SHROOM3: variants seen among roughly 807,000 people sequenced by gnomAD.
SHROOM3 encodes shroom family member 3, also known as protein Shroom3.
In SHROOM3, 47 loss-of-function variants were observed where a neutral mutation model predicts 138.6. That is an observed-to-expected ratio of 0.34 (90% confidence interval 0.27 to 0.43). The LOEUF (loss-of-function observed/expected upper bound fraction) is 0.43, where lower values mean the gene tolerates loss of function less well. Among genes scored for constraint, SHROOM3 ranks in the 20% least tolerant of loss-of-function variants. The pLI is 1.00. For missense variants in SHROOM3, 2,491 were observed against 2,596.5 expected (o/e 0.96, Z 0.88); for synonymous variants, 1,062 against 1,063.3 (o/e 1.00, Z 0.02).
intron 3 of SHROOM3, among the ~76,000 whole-genome samples, chr4:76,717,017 G>A (rs1720394829): frequency 6.6e-6 from 1 of 152,082 alleles, no homozygotes; most frequent in East Asian, 1.9e-4. Context: ...AAGTCTATTG[G>A]CAACAAATTC....
At chr4:76,524,818 A>C (rs567584043) in intron 1 of SHROOM3, among the ~76,000 whole-genome samples, 1 of 152,168 alleles carries the variant, frequency 6.6e-6, no homozygotes, top group Admixed American at 6.5e-5. Flanking sequence ...TTAACTATCC[A>C]GGGGTTACGG....
intron 2 of SHROOM3, among the ~76,000 whole-genome samples, chr4:76,635,190 C>T (rs1028635178): frequency 2.0e-5 from 3 of 152,114 alleles, no homozygotes; most frequent in Admixed American, 6.5e-5. Flanking sequence ...AGAGGAAGAC[C>T]CTCACTGAAC....
chr4:76,711,576 C>G (rs547157394), intron 3 of SHROOM3, among the ~76,000 whole-genome samples: 4 of 152,030 alleles, frequency 2.6e-5, no homozygotes, highest in Non-Finnish European at 5.9e-5. Context: ...ACCTGTGGTC[C>G]CAAGTACTCT....
rs1266820105 is a variant in SHROOM3 at position 76,740,075 on chromosome 4, C to T, written c.1902C>T (p.His634=). The T allele has an allele frequency of 1.2e-6, 2 of 1,613,802 alleles. No homozygotes were observed. Among genetic ancestry groups the T allele is most frequent in the Non-Finnish European group, 1.7e-6 (2 of 1,180,036 alleles). The change falls in exon 5 of 11, where the codon CAC becomes CAT. Residue 634 remains histidine, a synonymous_variant. Coordinates refer to ENST00000296043, the MANE Select transcript of SHROOM3 (RefSeq NM_020859.4). The surrounding 1 kb of genome is among the most constrained non-coding windows in gnomAD (Gnocchi z 4.0). ...EPWEGDFQED[H]NANLWRRLER... ...GGGAGGGCGATTTCCAGGAAGACCA[C>T]AATGCCAACCTCTGGAGGAGGCTGG...
rs1721212105 is a variant in SHROOM3, at chr4:76,740,520, GAGA to G, written c.2350_2352del (p.Lys784del). The G allele has an allele frequency of 3.1e-6, 5 of 1,614,052 alleles. No homozygotes were observed. The South Asian group carries it at 3.3e-5, about 11-fold the overall frequency. On this transcript the variant is annotated inframe_deletion, in exon 5 of 11. Coordinates refer to ENST00000296043, the MANE Select transcript of SHROOM3 (RefSeq NM_020859.4). This position sits in a 1 kb window ranked among gnomAD's most constrained non-coding sequence, Gnocchi z 4.0. ...CGGGAAGCCCCACTGCTCGGTGCTG[GAGA>G]AGGTCTCCAAATTCGAGCAGCGAGA...
chr4:76,592,501 C>A (rs755718787), intron 2 of SHROOM3, among the ~76,000 whole-genome samples: 1 of 152,190 alleles, frequency 6.6e-6, no homozygotes, highest in Non-Finnish European at 1.5e-5. Flanking sequence ...TTGTTCTGAT[C>A]AAAGTTAATT....
At chr4:76,553,989 T>C (rs1733423678) in intron 1 of SHROOM3, among the ~76,000 whole-genome samples, 2 of 152,216 alleles carry the variant, frequency 1.3e-5, no homozygotes, top group Non-Finnish European at 1.5e-5. Context: ...TAGTTTATAG[T>C]AGGTTCACTC....
chr4:76,636,126 G>C (rs1432600445), intron 2 of SHROOM3, among the ~76,000 whole-genome samples: 1 of 152,178 alleles, frequency 6.6e-6, no homozygotes, highest in African/African-American at 2.4e-5. Flanking sequence ...TTTCATAAAT[G>C]GGTAAAATGT....
At chr4:76,456,804 G>C (rs1054063778) in intron 1 of SHROOM3, among the ~76,000 whole-genome samples, 3 of 152,236 alleles carry the variant, frequency 2.0e-5, no homozygotes, top group Admixed American at 6.5e-5. Flanking sequence ...AGTCCGAAAA[G>C]AGAGTCAGCA....
intron 5 of SHROOM3, among the ~76,000 whole-genome samples, chr4:76,746,814 T>C (rs1445210577): frequency 2.0e-5 from 3 of 146,524 alleles, no homozygotes; most frequent in Admixed American, 1.4e-4. Context: ...TTATTATTAT[T>C]ATTATTATTA....
chr4:76,463,389 T>C (rs1423953156), intron 1 of SHROOM3, among the ~76,000 whole-genome samples: 1 of 152,220 alleles, frequency 6.6e-6, no homozygotes, highest in African/African-American at 2.4e-5. Flanking sequence ...CTTAGGCTCA[T>C]ATGTGTTCAC....
chr4:76,579,611 G>A (rs933999652), intron 2 of SHROOM3, among the ~76,000 whole-genome samples: 2 of 152,250 alleles, frequency 1.3e-5, no homozygotes, highest in Admixed American at 1.3e-4. Flanking sequence ...TGGCAGCAGT[G>A]GGCTGGAGCT....
rs553838065 is a variant in SHROOM3, at chr4:76,553,340, A to G, written c.169-2269A>G. ...ACCCAGGCTGAAGTGCAGTGGCATG[A>G]TCTCTGCTCACTGCAACCTCCACCT... On this transcript the variant is annotated intron_variant, in intron 1 of 10. Transcript: ENST00000296043. Among the ~76,000 whole-genome samples, 24 of 152,090 alleles carry G rather than the reference A, an allele frequency of 1.6e-4. No homozygotes were observed. In the East Asian group the frequency reaches 4.6e-3, roughly 29 times the overall value.
chr4:76,654,445 G>A lies in SHROOM3; in HGVS notation c.324-55711G>A, dbSNP rs145558919. Among the ~76,000 whole-genome samples the A allele has an allele frequency of 8.2e-3, 1,249 of 152,274 alleles. 19 individuals are homozygous for A. The highest frequency in any genetic ancestry group is 0.029 in the African/African-American group (1,202 of 41,562). ...GGACTCAAGGGATCCTCCCACCTCAGCCTCCCAAGTAGCTGGGACTACAGG... is the reference window on the plus strand; with the variant it reads ...GGACTCAAGGGATCCTCCCACCTCAACCTCCCAAGTAGCTGGGACTACAGG... On this transcript the variant is annotated intron_variant, in intron 2 of 10. Coordinates refer to ENST00000296043, the MANE Select transcript of SHROOM3 (RefSeq NM_020859.4).
intron 1 of SHROOM3, among the ~76,000 whole-genome samples, chr4:76,489,803 T>C (rs1347901525): frequency 6.6e-6 from 1 of 152,164 alleles, no homozygotes; most frequent in East Asian, 1.9e-4. Flanking sequence ...GGGACATAGT[T>C]GTGTCACCGG....
chr4:76,521,190 C>T (rs1202373029), intron 1 of SHROOM3, among the ~76,000 whole-genome samples: 4 of 151,920 alleles, frequency 2.6e-5, no homozygotes, highest in Admixed American at 1.3e-4. Flanking sequence ...AAAACACTGA[C>T]GTGATTAAAT....
chr4:76,722,631 A>T (rs920747062), intron 3 of SHROOM3, among the ~76,000 whole-genome samples: 1 of 152,066 alleles, frequency 6.6e-6, no homozygotes, highest in Non-Finnish European at 1.5e-5. Context: ...CTATATAACA[A>T]ACCTGCATGT....
chr4:76,771,783 C>T (rs1722367024), intron 10 of SHROOM3, among the ~76,000 whole-genome samples: 1 of 152,186 alleles, frequency 6.6e-6, no homozygotes, highest in South Asian at 2.1e-4. Context: ...AGTCCTACTG[C>T]AGACTCCAAG....
chr4:76,658,311 G>A (rs1402987903), intron 2 of SHROOM3, among the ~76,000 whole-genome samples: 5 of 152,172 alleles, frequency 3.3e-5, no homozygotes, highest in Non-Finnish European at 5.9e-5. Context: ...GAGCCCTCAG[G>A]GGAGGTTCTA....
Sources: allele counts gnomAD v4.1 joint callset (sites outside exome capture counted in the v4.1 genomes callset), GRCh38; gene constraint gnomAD v4.1.1; non-coding constraint Gnocchi (gnomAD v3.1); transcripts MANE v1.5; gene names NCBI Gene and HGNC (gene_info 2026-07-23, HGNC 2026-07-21).